Variants in ANKRD30B observed in about 807,000 individuals in gnomAD.
ANKRD30B encodes ankyrin repeat domain-containing protein 30B.
Under a neutral mutation model 202.2 loss-of-function variants are expected in ANKRD30B, and 144 were observed. That is an observed-to-expected ratio of 0.71 (90% CI 0.62 to 0.82). ANKRD30B has a LOEUF of 0.82. ANKRD30B is among the 40% of genes least tolerant of loss of function. The probability of loss-of-function intolerance (pLI) is 0.00; values close to 1 mark genes in which losing one functional copy is unlikely to be tolerated. For synonymous variants in ANKRD30B, 508 were observed against 561.3 expected (o/e 0.91, Z 1.34); for missense variants, 1,487 against 1,669.1 (o/e 0.89, Z 1.90).
intron 9 of ANKRD30B, among the ~76,000 whole-genome samples, chr18:14,774,064 T>G (rs1967196574): frequency 6.6e-6 from 1 of 152,182 alleles, no homozygotes; most frequent in African/African-American, 2.4e-5. Flanking sequence ...TTTTAAATTT[T>G]TTCTCTCTCT....
At chr18:14,927,353 G>T in the ANKRD30B span, among the ~76,000 whole-genome samples, 2 of 152,208 alleles carry the variant, frequency 1.3e-5, no homozygotes, top group Admixed American at 1.3e-4. Flanking sequence ...ATGTGCAGAT[G>T]ACCTAATACT....
the ANKRD30B span, among the ~76,000 whole-genome samples, chr18:14,897,342 G>T: frequency 6.6e-6 from 1 of 152,118 alleles, no homozygotes; most frequent in South Asian, 2.1e-4. Context: ...CACCACGCGC[G>T]CCTAATTTTT....
chr18:14,799,016 C>G (rs1007335686), intron 20 of ANKRD30B, 85 bp from the exon 21 acceptor site: 27 of 1,287,668 alleles, frequency 2.1e-5, no homozygotes, highest in Non-Finnish European at 2.8e-5. Flanking sequence ...CATGAGGATT[C>G]GTCTTCATAT....
intron 34 of ANKRD30B, among the ~76,000 whole-genome samples, chr18:14,833,885 T>A (rs997545624): frequency 3.9e-5 from 6 of 152,310 alleles, no homozygotes; most frequent in Non-Finnish European, 8.8e-5. Context: ...TACCCCAGAC[T>A]TTTTTAATCA....
the ANKRD30B span, among the ~76,000 whole-genome samples, chr18:14,936,309 G>A: frequency 6.6e-6 from 1 of 152,294 alleles, no homozygotes; most frequent in Admixed American, 6.5e-5. Context: ...TACTGTGTGA[G>A]ATTTTTGAGG....
At chr18:14,917,183 C>A in the ANKRD30B span, among the ~76,000 whole-genome samples, 1 of 152,342 alleles carries the variant, frequency 6.6e-6, no homozygotes, top group East Asian at 1.9e-4. Context: ...GCATGTCATT[C>A]TCCGTCTTCT....
the ANKRD30B span, among the ~76,000 whole-genome samples, chr18:14,916,233 C>T: frequency 6.6e-6 from 1 of 152,178 alleles, no homozygotes; most frequent in South Asian, 2.1e-4. Context: ...TGCAGGTATC[C>T]TCTCCAGGAA....
At chr18:14,914,956 T>A in the ANKRD30B span, among the ~76,000 whole-genome samples, 1 of 152,266 alleles carries the variant, frequency 6.6e-6, no homozygotes, top group African/African-American at 2.4e-5. Context: ...TGACATACTC[T>A]AGGAAAAATG....
Position 14,752,940 on chromosome 18 carries a change from C to T in ANKRD30B, c.438C>T (p.Ala146=), listed in dbSNP as rs764540544. Residue 146 remains alanine, a synonymous_variant, in exon 3 of 44, where the codon GCC becomes GCT. Coordinates refer to ENST00000690538, the MANE Select transcript of ANKRD30B (RefSeq NM_001367607.2). ...DVYGNTALHY[A]VYSENLLMVA... ...ATGGCAACACGGCTCTCCATTATGC[C>T]GTTTATAGTGAGAATTTGTTAATGG... 18 of 1,603,282 alleles carry T rather than the reference C, an allele frequency of 1.1e-5. No individual in the cohort carries two copies. The highest frequency in any genetic ancestry group is 1.7e-5 in the Admixed American group (1 of 58,920).
chr18:14,805,760 T>C (rs1200426340), intron 24 of ANKRD30B, among the ~76,000 whole-genome samples: 8 of 150,822 alleles, frequency 5.3e-5, no homozygotes, highest in African/African-American at 2.0e-4. Context: ...CTCAGTGTCA[T>C]GATTTGCTCC....
At chr18:14,759,130 T>C (rs1914857513) in intron 5 of ANKRD30B, 1 of 152,234 alleles carries the variant, frequency 6.6e-6, no homozygotes. Context: ...TGCTTAGATT[T>C]AACAGAGCTA....
chr18:14,868,379 G>T, the ANKRD30B span, among the ~76,000 whole-genome samples: 1 of 152,280 alleles, frequency 6.6e-6, no homozygotes, highest in African/African-American at 2.4e-5. Context: ...GGTGTGAGTG[G>T]CAGCATTGTT....
the ANKRD30B span, among the ~76,000 whole-genome samples, chr18:14,916,517 C>T: frequency 6.6e-6 from 1 of 152,152 alleles, no homozygotes; most frequent in Admixed American, 6.5e-5. Context: ...GATTCACAGC[C>T]AGGGGCTTCT....
the ANKRD30B span, among the ~76,000 whole-genome samples, chr18:14,916,494 T>C: frequency 1.8e-5 from 1 of 56,378 alleles, no homozygotes; most frequent in South Asian, 1.0e-3. Flanking sequence ...TGCCTCCAGC[T>C]GGAAGAAGAG....
intron 14 of ANKRD30B, among the ~76,000 whole-genome samples, chr18:14,786,709 A>G (rs888537736): frequency 6.6e-6 from 1 of 152,230 alleles, no homozygotes; most frequent in African/African-American, 2.4e-5. Context: ...GATGATAGGT[A>G]ATTAAAGTTT....
At chr18:14,817,752 A>T (rs1426342614) in intron 30 of ANKRD30B, among the ~76,000 whole-genome samples, 2 of 152,196 alleles carry the variant, frequency 1.3e-5, no homozygotes, top group Non-Finnish European at 2.9e-5. Context: ...TGAAATTCTG[A>T]GGTTTCTTCA....
intron 7 of ANKRD30B, among the ~76,000 whole-genome samples, chr18:14,768,933 G>A (rs1229899690): frequency 2.6e-5 from 4 of 152,214 alleles, no homozygotes; most frequent in South Asian, 2.1e-4. Flanking sequence ...CTATTTTTCC[G>A]TGCATTTGAG....
intron 9 of ANKRD30B, among the ~76,000 whole-genome samples, chr18:14,772,684 G>A (rs1362447326): frequency 6.8e-6 from 1 of 147,484 alleles, no homozygotes; most frequent in Non-Finnish European, 1.5e-5. Flanking sequence ...GTTCAGTTCC[G>A]AAACTGTGCC....
the ANKRD30B span, among the ~76,000 whole-genome samples, chr18:14,901,265 C>T: frequency 1.2e-4 from 19 of 152,204 alleles, no homozygotes; most frequent in Non-Finnish European, 1.8e-4. Context: ...TTGGCTACAG[C>T]CAAAAATTTA....
Sources: allele counts gnomAD v4.1 joint callset (sites outside exome capture counted in the v4.1 genomes callset), GRCh38; gene constraint gnomAD v4.1.1; transcripts MANE v1.5; gene names NCBI Gene and HGNC (gene_info 2026-07-23, HGNC 2026-07-21).